The following DNAJC13 variants were observed in gnomAD, a reference collection of about 807,000 sequenced individuals.
DNAJC13 encodes the protein DnaJ heat shock protein family (Hsp40) member C13.
In DNAJC13, 75 loss-of-function variants were observed where a neutral mutation model predicts 290.5. The observed-to-expected ratio is 0.26, with a 90% confidence interval of 0.21 to 0.31. DNAJC13 has a LOEUF of 0.31. Among genes scored for constraint, DNAJC13 ranks in the 10% least tolerant of loss-of-function variants. DNAJC13 has a pLI of 1.00. For missense variants in DNAJC13, 2,260 were observed against 2,674.5 expected, an observed-to-expected ratio of 0.85 and a Z score of 3.42; for synonymous variants, 862 against 892.0, an observed-to-expected ratio of 0.97 and a Z score of 0.60.
intron 2 of DNAJC13, among the ~76,000 whole-genome samples, chr3:132,445,149 G>A (rs1184046866): frequency 6.6e-6 from 1 of 151,920 alleles, no homozygotes; most frequent in African/African-American, 2.4e-5. Context: ...GTTTGTTTAA[G>A]TTATTAATGC....
intron 1 of DNAJC13, among the ~76,000 whole-genome samples, chr3:132,420,347 G>A (rs373496300): frequency 2.6e-5 from 4 of 152,246 alleles, no homozygotes; most frequent in South Asian, 4.2e-4. Context: ...TAATCTCTGG[G>A]GAGAAGGGTA....
At chr3:132,481,349 G>A (rs1225398814) in intron 26 of DNAJC13, among the ~76,000 whole-genome samples, 1 of 152,094 alleles carries the variant, frequency 6.6e-6, no homozygotes, top group Non-Finnish European at 1.5e-5. Flanking sequence ...GCACTTTGGG[G>A]GGCTGAGGCG....
At chr3:132,453,948 G>A in intron 8 of DNAJC13, 118 bp from the exon 9 acceptor site, 1 of 868,662 alleles carries the variant, frequency 1.2e-6, no homozygotes, top group Non-Finnish European at 1.8e-6. Context: ...CTCTTATATT[G>A]TAAACAAGTC....
intron 20 of DNAJC13, chr3:132,472,568 T>C (rs1934320311): frequency 2.0e-6 from 2 of 985,336 alleles, no homozygotes; most frequent in South Asian, 9.4e-5. Context: ...ACAAAAACAA[T>C]ATGGTGAGTG....
At chr3:132,429,008 C>G (rs1266935011) in intron 1 of DNAJC13, among the ~76,000 whole-genome samples, 4 of 152,332 alleles carry the variant, frequency 2.6e-5, no homozygotes, top group African/African-American at 9.6e-5. Context: ...GCCAGGATTA[C>G]AGGCGTGAGC....
intron 4 of DNAJC13, among the ~76,000 whole-genome samples, 194 bp from the exon 5 acceptor site, chr3:132,447,704 A>G (rs1458486863): frequency 6.6e-6 from 1 of 152,066 alleles, no homozygotes; most frequent in Non-Finnish European, 1.5e-5. Context: ...AGGAGAAAGC[A>G]TTGTATGTTT....
intron 36 of DNAJC13, among the ~76,000 whole-genome samples, chr3:132,498,626 GTT>G (rs1383154707): frequency 6.6e-6 from 1 of 152,018 alleles, no homozygotes; most frequent in East Asian, 1.9e-4. Context: ...TTTATAGTAG[GTT>G]TAATTTCTTT....
intron 53 of DNAJC13, 54 bp downstream of exon 53, chr3:132,526,335 G>A (rs944116384): frequency 3.1e-6 from 5 of 1,603,442 alleles, no homozygotes; most frequent in Non-Finnish European, 4.3e-6. Context: ...ATACCAAGTA[G>A]ATTTTTACCT....
intron 20 of DNAJC13, among the ~76,000 whole-genome samples, chr3:132,471,000 G>A (rs1490565946): frequency 1.1e-4 from 14 of 132,406 alleles, no homozygotes; most frequent in Non-Finnish European, 1.7e-4. Context: ...CGGACGGGGC[G>A]GCTGGCCGGG....
At chr3:132,537,021 A>G in intron 55 of DNAJC13, 2 of 427,476 alleles carry the variant, frequency 4.7e-6, no homozygotes, top group South Asian at 3.4e-5. Context: ...AATACTTTTA[A>G]GGTCAAAAAC....
rs373430445 is a variant in DNAJC13 at position 132,456,738 on chromosome 3, G to T, written c.1255G>T (p.Val419Phe). The T allele has an allele frequency of 6.2e-7, 1 of 1,614,082 alleles. No homozygotes were observed. Among genetic ancestry groups the T allele is most frequent in the Non-Finnish European group, 8.5e-7 (1 of 1,179,952 alleles). Residue 419 changes from valine to phenylalanine, a missense_variant, in exon 12 of 56, where the codon GTT becomes TTT. Val to Phe is a conservative substitution (Grantham distance 50, BLOSUM62 -1). Around this residue, in one of 3 missense-constraint regions of DNAJC13, gnomAD observed 762 missense variants for 964.1 expected, o/e 0.79. Transcript: ENST00000260818. ...ATTACTGTCCCAAGAAGGGGATGTC[G>T]TTGCTTCAAATGCGGAACTTGAGAG... ...TALLSQEGDV[V>F]ASNAELESQF... is the part of the protein sequence containing the mutation.
chr3:132,438,820 A>G (rs1009867706), intron 2 of DNAJC13, among the ~76,000 whole-genome samples: 8 of 151,904 alleles, frequency 5.3e-5, no homozygotes, highest in Non-Finnish European at 8.8e-5. Flanking sequence ...TGCGCTTTTC[A>G]TTTTTCCAAC....
At chr3:132,462,381 G>T in intron 15 of DNAJC13, 86 bp from the exon 16 acceptor site, 1 of 1,299,932 alleles carries the variant, frequency 7.7e-7, no homozygotes, top group South Asian at 1.3e-5. Flanking sequence ...GTGTAAAAAT[G>T]TATACCCTTC....
chr3:132,453,724 G>T, intron 8 of DNAJC13, 30 bp downstream of exon 8: 1 of 1,537,880 alleles, frequency 6.5e-7, no homozygotes, highest in Non-Finnish European at 8.9e-7. Context: ...GCTTAAATGA[G>T]ATTTCTTTCT....
At chr3:132,452,611 C>T (rs1933451759) in intron 6 of DNAJC13, among the ~76,000 whole-genome samples, 1 of 152,134 alleles carries the variant, frequency 6.6e-6, no homozygotes, top group South Asian at 2.1e-4. Context: ...AAATCGGAAA[C>T]TTTTTGAGTG....
chr3:132,510,110 C>T (rs140732980), intron 43 of DNAJC13, among the ~76,000 whole-genome samples: 4 of 152,226 alleles, frequency 2.6e-5, no homozygotes, highest in Admixed American at 6.5e-5. Context: ...TACTGCTATC[C>T]CACTGGGCCA....
chr3:132,429,871 C>T (rs1402161649), intron 1 of DNAJC13, among the ~76,000 whole-genome samples: 1 of 152,152 alleles, frequency 6.6e-6, no homozygotes. Flanking sequence ...GCCCATTTTA[C>T]TAGCCTTTTA....
intron 6 of DNAJC13, among the ~76,000 whole-genome samples, chr3:132,452,509 G>A: frequency 6.6e-6 from 1 of 152,168 alleles, no homozygotes; most frequent in African/African-American, 2.4e-5. Context: ...CTCCTACTCT[G>A]CCCTTTACAG....
At chr3:132,520,801 C>A (rs956647595) in intron 48 of DNAJC13, among the ~76,000 whole-genome samples, 4 of 152,176 alleles carry the variant, frequency 2.6e-5, no homozygotes, top group Admixed American at 2.6e-4. Flanking sequence ...ATTCACCCAA[C>A]TGGTCAATAG....
Sources: allele counts gnomAD v4.1 joint callset (sites outside exome capture counted in the v4.1 genomes callset), GRCh38; gene constraint gnomAD v4.1.1; regional missense constraint gnomAD v4.1.1; transcripts MANE v1.5; gene names NCBI Gene and HGNC (gene_info 2026-07-23, HGNC 2026-07-21).